CNOT6L: variants seen among roughly 807,000 people sequenced by gnomAD.
CNOT6L encodes the protein CCR4-NOT transcription complex subunit 6-like.
A neutral mutation model predicts 64.0 loss-of-function variants in CNOT6L; 7 were observed. The ratio of observed to expected loss-of-function variants is 0.11; its 90% CI spans 0.06 to 0.21. CNOT6L has a LOEUF of 0.21. Among genes scored for constraint, CNOT6L ranks in the 10% least tolerant of loss-of-function variants. The pLI is 1.00. For synonymous variants in CNOT6L, 193 were observed against 243.4 expected (o/e 0.79, Z 1.93); for missense variants, 245 against 669.0 (o/e 0.37, Z 6.99).
chr4:77,756,508 G>C (rs1725590950), intron 5 of CNOT6L, among the ~76,000 whole-genome samples: 1 of 152,118 alleles, frequency 6.6e-6, no homozygotes, highest in Non-Finnish European at 1.5e-5. Context: ...GTATTTTTGT[G>C]ATTAAGAGCA....
At chr4:77,784,048 C>T (rs1417565564) in intron 1 of CNOT6L, among the ~76,000 whole-genome samples, 1 of 151,594 alleles carries the variant, frequency 6.6e-6, no homozygotes, top group East Asian at 1.9e-4. Flanking sequence ...AAAGGTAATC[C>T]GAAGATAACT....
chr4:77,728,794 G>A, intron 10 of CNOT6L, 60 bp downstream of exon 10: 1 of 1,330,274 alleles, frequency 7.5e-7, no homozygotes, highest in Non-Finnish European at 1.1e-6. Flanking sequence ...GAGCTAGCTG[G>A]CCTTTGAACC....
At chr4:77,759,573 AAG>A (rs1725943386) in intron 4 of CNOT6L, among the ~76,000 whole-genome samples, 1 of 134,640 alleles carries the variant, frequency 7.4e-6, no homozygotes, top group Admixed American at 7.6e-5. Context: ...TCCAAAAAAG[AAG>A]AAAAAAAAAA....
chr4:77,802,133 T>C (rs1425307040), intron 1 of CNOT6L, among the ~76,000 whole-genome samples: 1 of 152,206 alleles, frequency 6.6e-6, no homozygotes, highest in Non-Finnish European at 1.5e-5. Flanking sequence ...GTAGTTCTAA[T>C]ACAGGTTGAT....
At chr4:77,728,144 A>G (rs947142899) in intron 10 of CNOT6L, among the ~76,000 whole-genome samples, 4 of 152,260 alleles carry the variant, frequency 2.6e-5, no homozygotes, top group African/African-American at 7.2e-5. Context: ...GAGCTCAAGA[A>G]GTAATATGAA....
Position 77,726,272 on chromosome 4 carries a change from A to G in CNOT6L, c.1350T>C (p.Asn450=). Residue 450 remains asparagine (N), a synonymous_variant, in exon 11 of 12, where the codon AAT becomes AAC. Transcript: ENST00000504123. ...TCCCTTCTGAGCTTCCATTCTTTCC[A>G]TTGCAGCTGAAGTTCATAAGACACT... ...YNECLMNFSC[N]GKNGSSEGRI... 3 of 1,613,842 alleles carry G rather than the reference A, an allele frequency of 1.9e-6. No homozygotes were observed. Among genetic ancestry groups the G allele is most frequent in the Non-Finnish European group, 2.5e-6 (3 of 1,179,784 alleles).
chr4:77,804,186 G>A (rs1308101743), intron 1 of CNOT6L, among the ~76,000 whole-genome samples: 2 of 152,132 alleles, frequency 1.3e-5, no homozygotes, highest in Admixed American at 1.3e-4. Flanking sequence ...CCAGCACTTT[G>A]GGAGGCCAAG....
At chr4:77,760,259 T>G (rs1726047014) in intron 4 of CNOT6L, among the ~76,000 whole-genome samples, 1 of 151,876 alleles carries the variant, frequency 6.6e-6, no homozygotes, top group Admixed American at 6.6e-5. Context: ...ACCTATAGTC[T>G]CAGCTACTCA....
chr4:77,760,860 C>CTTTTTTTT lies in CNOT6L; in HGVS notation c.401-3917_401-3910dup, dbSNP rs754195745. On this transcript the variant is annotated intron_variant, in intron 4 of 11. Coordinates refer to ENST00000504123, the MANE Select transcript of CNOT6L (RefSeq NM_144571.3). Reference sequence around the variant, plus strand: ...TACAGGTGCACACCACCATGCCTGGCTTTTTTTTTTTTTTTTTTTTTTTTT... The same window carrying CTTTTTTTT: ...TACAGGTGCACACCACCATGCCTGGCTTTTTTTTTTTTTTTTTTTTTTTTTTTTTTTTT... Among the ~76,000 whole-genome samples the CTTTTTTTT allele has an allele frequency of 9.6e-3, 289 of 29,980 alleles. 73 individuals carry two copies. The highest frequency in any genetic ancestry group is 0.014 in the Non-Finnish European group (242 of 17,600). The allele number at this position is 29,980 out of a possible 152,430, so 19.7% of individuals were successfully genotyped here. A position where few individuals can be genotyped will look rare whatever the true frequency, so the allele number is the denominator to read the frequency against.
At chr4:77,810,667 T>C (rs1442090894) in intron 1 of CNOT6L, among the ~76,000 whole-genome samples, 2 of 152,214 alleles carry the variant, frequency 1.3e-5, no homozygotes, top group Non-Finnish European at 1.5e-5. Context: ...ATTTTCCTCC[T>C]AGCTATTTGA....
Position 77,737,406 on chromosome 4 carries a change from C to CTT in CNOT6L, c.872+4733_872+4734dup, listed in dbSNP as rs56952956. 1.9e-3 allele frequency among the ~76,000 whole-genome samples: 156 copies of CTT among 82,364 alleles called. 3 individuals carry two copies. Among genetic ancestry groups the CTT allele is most frequent in the African/African-American group, 5.0e-3 (106 of 21,140 alleles). 54.0% of individuals were successfully genotyped at this position (82,364 alleles called of 152,430 possible). A position where few individuals can be genotyped will look rare whatever the true frequency, so the allele number is the denominator to read the frequency against. On this transcript the variant is annotated intron_variant, in intron 8 of 11. Coordinates refer to ENST00000504123, the MANE Select transcript of CNOT6L (RefSeq NM_144571.3). ...AATAACATCCTATATTTGTACCGTT[C>CTT]TTTTTTTTTTTTTTTTTTTTTTTTT...
At chr4:77,784,570 A>G (rs1375642435) in intron 1 of CNOT6L, among the ~76,000 whole-genome samples, 1 of 151,176 alleles carries the variant, frequency 6.6e-6, no homozygotes, top group African/African-American at 2.4e-5. Flanking sequence ...TGCAGCCTCA[A>G]CCTCCTGGGT....
intron 1 of CNOT6L, among the ~76,000 whole-genome samples, chr4:77,782,487 C>G (rs1324304025): frequency 6.9e-6 from 1 of 145,720 alleles, no homozygotes; most frequent in Non-Finnish European, 1.5e-5. Context: ...CACATGTTAT[C>G]ACACCCAGCT....
At chr4:77,794,126 T>C (rs1191215152) in intron 1 of CNOT6L, among the ~76,000 whole-genome samples, 1 of 105,486 alleles carries the variant, frequency 9.5e-6, no homozygotes, top group Non-Finnish European at 1.7e-5. Flanking sequence ...CACTCAAGCC[T>C]GGCAACAGAG....
intron 1 of CNOT6L, among the ~76,000 whole-genome samples, chr4:77,811,941 C>A (rs890284652): frequency 1.3e-5 from 2 of 151,760 alleles, no homozygotes; most frequent in Admixed American, 1.3e-4. Context: ...TGTTTTCCCC[C>A]TAAGACTGGG....
chr4:77,790,907 G>A (rs148558945), intron 1 of CNOT6L, among the ~76,000 whole-genome samples: 7,581 of 148,908 alleles, frequency 0.051, 234 homozygotes, highest in African/African-American at 0.086. Flanking sequence ...TGATCCACCC[G>A]CCTCGGCTTT....
At chr4:77,819,388 C>T, upstream of CNOT6L, 1 of 1,608,808 alleles carries the variant, frequency 6.2e-7, no homozygotes, top group Non-Finnish European at 8.5e-7. Context: ...CGCGCGCGCG[C>T]GCACCAGGCC....
intron 4 of CNOT6L, among the ~76,000 whole-genome samples, chr4:77,761,648 C>A (rs1008610513): frequency 6.6e-6 from 1 of 152,178 alleles, no homozygotes; most frequent in Non-Finnish European, 1.5e-5. Context: ...GAAAGGATAT[C>A]TACCAGAAAT....
At chr4:77,819,527 T>C, upstream of CNOT6L, 9 of 771,358 alleles carry the variant, frequency 1.2e-5, no homozygotes, top group Non-Finnish European at 1.6e-5. Flanking sequence ...TAACCGGGGC[T>C]CGCGGGCGGG....
Sources: allele counts gnomAD v4.1 joint callset (sites outside exome capture counted in the v4.1 genomes callset), GRCh38; gene constraint gnomAD v4.1.1; transcripts MANE v1.5; gene names NCBI Gene and HGNC (gene_info 2026-07-23, HGNC 2026-07-21).